The following SLC39A12 variants were observed in gnomAD, a reference collection of about 807,000 sequenced individuals.
SLC39A12 encodes solute carrier family 39 member 12, also known as zinc transporter ZIP12.
In SLC39A12, 63 loss-of-function variants were observed where a neutral mutation model predicts 71.1. The observed-to-expected ratio is 0.89, with a 90% CI of 0.72 to 1.09. The LOEUF (loss-of-function observed/expected upper bound fraction) is 1.09. Among genes scored for constraint, SLC39A12 ranks in the 50% least tolerant of loss-of-function variants. The probability of loss-of-function intolerance (pLI) is 0.00; values close to 1 mark genes in which losing one functional copy is unlikely to be tolerated. For synonymous variants in SLC39A12, 351 were observed against 301.3 expected, an observed-to-expected ratio of 1.16 and a Z score of -1.71; for missense variants, 892 against 812.6, an observed-to-expected ratio of 1.10 and a Z score of -1.19.
intron 4 of SLC39A12, among the ~76,000 whole-genome samples, chr10:17,973,515 AG>A (rs1835027454): frequency 6.6e-6 from 1 of 152,150 alleles, no homozygotes; most frequent in African/African-American, 2.4e-5. Flanking sequence ...ATACTATTCT[AG>A]GGTAACAGTT....
intron 10 of SLC39A12, among the ~76,000 whole-genome samples, chr10:17,999,259 C>T (rs1835766239): frequency 7.1e-6 from 1 of 141,036 alleles, no homozygotes; most frequent in African/African-American, 2.7e-5. Context: ...CATGCTACTG[C>T]ACTCCAGCCT....
chr10:17,959,985 A>T (rs1267676184), intron 2 of SLC39A12, among the ~76,000 whole-genome samples: 2 of 152,206 alleles, frequency 1.3e-5, no homozygotes, highest in African/African-American at 4.8e-5. Flanking sequence ...TTTTATGTGG[A>T]ATAGGGGCAT....
intron 1 of SLC39A12, among the ~76,000 whole-genome samples, 171 bp downstream of exon 1, chr10:17,952,196 G>C (rs74642760): frequency 6.6e-6 from 1 of 152,140 alleles, no homozygotes; most frequent in African/African-American, 2.4e-5. Flanking sequence ...TCGGACATGA[G>C]ATGCTGTTAA....
intron 5 of SLC39A12, among the ~76,000 whole-genome samples, chr10:17,978,767 A>C (rs567583629): frequency 6.6e-6 from 1 of 152,342 alleles, no homozygotes; most frequent in South Asian, 2.1e-4. Context: ...CTCTGTTCCA[A>C]CGTGTGACTT....
chr10:18,007,330 C>T (rs1168878780), intron 12 of SLC39A12: 2 of 152,116 alleles, frequency 1.3e-5, no homozygotes, highest in Non-Finnish European at 2.9e-5. Flanking sequence ...TGCCTGGTGA[C>T]CATTGTTACC....
chr10:17,979,801 A>G (rs1202586770), intron 5 of SLC39A12, among the ~76,000 whole-genome samples: 2 of 152,162 alleles, frequency 1.3e-5, no homozygotes. Context: ...TGATTGAACT[A>G]AATGGATGCC....
intron 3 of SLC39A12, 41 bp downstream of exon 3, chr10:17,961,903 A>T: frequency 6.4e-7 from 1 of 1,572,284 alleles, no homozygotes; most frequent in African/African-American, 1.4e-5. Flanking sequence ...CTGCTAAGAT[A>T]CAGTTCTAGA....
intron 7 of SLC39A12, among the ~76,000 whole-genome samples, chr10:17,988,337 C>A (rs1835457389): frequency 6.6e-6 from 1 of 152,044 alleles, no homozygotes; most frequent in Non-Finnish European, 1.5e-5. Flanking sequence ...TTAGTTCACC[C>A]AAGACCTGGT....
chr10:18,035,842 C>A (rs1240899246), intron 12 of SLC39A12, among the ~76,000 whole-genome samples: 1 of 152,226 alleles, frequency 6.6e-6, no homozygotes, highest in Non-Finnish European at 1.5e-5. Flanking sequence ...GATGTCCTTT[C>A]TGTTTTTTAG....
Position 17,978,046 on chromosome 10 carries a change from CTG to C in SLC39A12, c.897_898del (p.Glu300GlyfsTer14), listed in dbSNP as rs1564644523. Reference sequence around the variant, plus strand: ...TTCTCTTCATCCATGGAAAAAGAGTCTGAGGATGGTCCAGTTTCCTGGGATCA... The same window carrying C: ...TTCTCTTCATCCATGGAAAAAGAGTCAGGATGGTCCAGTTTCCTGGGATCA... On this transcript the variant is annotated frameshift_variant, in exon 5 of 13. Transcript: ENST00000377369. LOFTEE classifies it high-confidence loss of function. 6.2e-7 allele frequency: 1 copy of C among 1,604,058 alleles called. No homozygotes were observed. The highest frequency in any genetic ancestry group is 2.3e-5 in the East Asian group (1 of 44,364).
chr10:17,972,686 G>T (rs1281288303), intron 4 of SLC39A12, among the ~76,000 whole-genome samples: 1 of 151,912 alleles, frequency 6.6e-6, no homozygotes, highest in African/African-American at 2.4e-5. Context: ...TTGGCATGGA[G>T]TATCTTTTTC....
chr10:17,962,440 A>G (rs1275593350), intron 3 of SLC39A12, among the ~76,000 whole-genome samples: 8 of 151,980 alleles, frequency 5.3e-5, no homozygotes, highest in African/African-American at 1.9e-4. Flanking sequence ...TGTTGCCTTC[A>G]TTACTATTCT....
rs900076717 is a variant in SLC39A12, at chr10:18,041,467, G to T, written c.1948-1238G>T. On this transcript the variant is annotated intron_variant, in intron 12 of 12. Coordinates refer to ENST00000377369, the MANE Select transcript of SLC39A12 (RefSeq NM_001145195.2). The stretch of plus-strand genomic sequence containing the variant: ...GCTGAGATCCCACCACTGCACTCCA[G>T]CCTGGGTGACAGAGTGAGACTCTGT... Among the ~76,000 whole-genome samples, 4 of 150,026 alleles carry T rather than the reference G, an allele frequency of 2.7e-5. No individual in the cohort carries two copies. In the Admixed American group the frequency reaches 2.7e-4, roughly 10 times the overall value.
chr10:17,973,299 A>G (rs1051858771), intron 4 of SLC39A12, among the ~76,000 whole-genome samples: 1 of 152,066 alleles, frequency 6.6e-6, no homozygotes, highest in African/African-American at 2.4e-5. Flanking sequence ...GTGTTATAGA[A>G]TTCTGTGTTT....
chr10:18,038,099 T>A (rs1837114892), intron 12 of SLC39A12, among the ~76,000 whole-genome samples: 1 of 139,574 alleles, frequency 7.2e-6, no homozygotes, highest in Non-Finnish European at 1.5e-5. Flanking sequence ...TTATTTCGAT[T>A]AAAAAAAAAT....
intron 4 of SLC39A12, among the ~76,000 whole-genome samples, chr10:17,974,047 A>C (rs1189852011): frequency 6.6e-6 from 1 of 151,118 alleles, no homozygotes; most frequent in African/African-American, 2.4e-5. Flanking sequence ...TAGCTCCAGA[A>C]TTTTTTAAAT....
intron 4 of SLC39A12, among the ~76,000 whole-genome samples, chr10:17,966,764 G>A (rs1291099294): frequency 6.6e-6 from 1 of 151,952 alleles, no homozygotes; most frequent in Admixed American, 6.5e-5. Context: ...GAGGTCAGGA[G>A]TTCGAGACCA....
In SLC39A12 at chr10:17,972,996, T is replaced by C. The variant is rs141237447; in HGVS notation, c.752-4906T>C. Among the ~76,000 whole-genome samples, 375 of 152,272 alleles carry C rather than the reference T, an allele frequency of 2.5e-3. 3 individuals are homozygous for C. Among genetic ancestry groups the C allele is most frequent in the African/African-American group, 8.0e-3 (331 of 41,578 alleles). ...TTGCTTTTATTTTTAGTGTATCCAT[T>C]GTATGTTTTCTGTTTTGAGGTTATC... On this transcript the variant is annotated intron_variant, in intron 4 of 12. Transcript: ENST00000377369.
chr10:18,022,242 G>A (rs2488119), intron 12 of SLC39A12, among the ~76,000 whole-genome samples: 1 of 151,490 alleles, frequency 6.6e-6, no homozygotes, highest in South Asian at 2.1e-4. Context: ...CTTCCTCTCC[G>A]TGTCTTCCAG....
Sources: gnomAD v4.1 joint callset for allele counts (sites outside exome capture counted in the v4.1 genomes callset) on GRCh38, gnomAD v4.1.1 for gene constraint, MANE v1.5 for transcripts, NCBI Gene and HGNC (gene_info 2026-07-23, HGNC 2026-07-21) for gene names.